The following GALNT13 variants were observed in gnomAD, a reference collection of about 807,000 sequenced individuals.
The protein encoded by GALNT13 is UDP-GalNAc:polypeptide N-acetylgalactosaminyltransferase 13.
In GALNT13, 28 loss-of-function variants were observed where a neutral mutation model predicts 64.2. The ratio of observed to expected loss-of-function variants is 0.44; its 90% CI spans 0.32 to 0.60. GALNT13 has a LOEUF of 0.60. Ranked by LOEUF, GALNT13 falls within the 20% of genes least tolerant of loss-of-function variation. GALNT13 has a pLI of 0.05. For missense variants in GALNT13, 577 were observed against 669.8 expected, an observed-to-expected ratio of 0.86 and a Z score of 1.53; for synonymous variants, 214 against 224.6, an observed-to-expected ratio of 0.95 and a Z score of 0.42.
chr2:153,555,319 C>T, the GALNT13 span, among the ~76,000 whole-genome samples: 1 of 134,252 alleles, frequency 7.4e-6, no homozygotes, highest in Non-Finnish European at 1.6e-5. Flanking sequence ...CTCAGCCTCC[C>T]GAGTAGCTGG....
the GALNT13 span, among the ~76,000 whole-genome samples, chr2:153,533,451 C>T: frequency 6.6e-6 from 1 of 152,036 alleles, no homozygotes; most frequent in African/African-American, 2.4e-5. Flanking sequence ...AGGGTTTTGC[C>T]ATCTTGGCTA....
the GALNT13 span, among the ~76,000 whole-genome samples, chr2:153,490,281 G>A: frequency 6.6e-6 from 1 of 152,128 alleles, no homozygotes; most frequent in Non-Finnish European, 1.5e-5. Flanking sequence ...ATTATTCATA[G>A]ATAAATATAG....
At chr2:153,709,279 A>G in the GALNT13 span, among the ~76,000 whole-genome samples, 6 of 151,146 alleles carry the variant, frequency 4.0e-5, no homozygotes, top group South Asian at 1.2e-3. Flanking sequence ...AGCAAAAAAC[A>G]ACAACAACAA....
chr2:153,745,086 T>C, the GALNT13 span, among the ~76,000 whole-genome samples: 1 of 152,002 alleles, frequency 6.6e-6, no homozygotes, highest in African/African-American at 2.4e-5. Context: ...TGAGGTCCAT[T>C]AGAAAAACAG....
intron 9 of GALNT13, among the ~76,000 whole-genome samples, chr2:154,314,310 T>G (rs1341241983): frequency 6.6e-6 from 1 of 152,170 alleles, no homozygotes; most frequent in Non-Finnish European, 1.5e-5. Context: ...TGACACTTAG[T>G]AGCAGTCATT....
intron 3 of GALNT13, among the ~76,000 whole-genome samples, chr2:154,002,245 TTAAA>T (rs1383488990): frequency 2.0e-5 from 3 of 152,146 alleles, no homozygotes; most frequent in African/African-American, 7.2e-5. Context: ...CATTATTGTC[TTAAA>T]TAATCTTTCT....
chr2:154,191,252 T>A (rs1233295478), intron 4 of GALNT13, among the ~76,000 whole-genome samples: 1 of 152,170 alleles, frequency 6.6e-6, no homozygotes, highest in African/African-American at 2.4e-5. Flanking sequence ...CACACACATT[T>A]GCACGCGCAC....
At chr2:154,230,798 A>C (rs1688875097) in intron 4 of GALNT13, among the ~76,000 whole-genome samples, 1 of 152,090 alleles carries the variant, frequency 6.6e-6, no homozygotes, top group Admixed American at 6.6e-5. Flanking sequence ...AGATTTATTC[A>C]GTTCTCTGGT....
the GALNT13 span, among the ~76,000 whole-genome samples, chr2:153,555,036 GA>G: frequency 2.0e-5 from 3 of 151,778 alleles, no homozygotes; most frequent in Non-Finnish European, 4.4e-5. Flanking sequence ...TTGGATAAAT[GA>G]AAAAAATTTA....
chr2:153,560,379 C>T, the GALNT13 span, among the ~76,000 whole-genome samples: 39 of 151,826 alleles, frequency 2.6e-4, no homozygotes, highest in African/African-American at 7.7e-4. Flanking sequence ...TAACGCTAGA[C>T]GAATAGCGAT....
At chr2:153,314,339 G>C in the GALNT13 span, among the ~76,000 whole-genome samples, 1 of 152,102 alleles carries the variant, frequency 6.6e-6, no homozygotes, top group Non-Finnish European at 1.5e-5. Flanking sequence ...TCTAGAAGAA[G>C]AGACAGATTG....
chr2:153,197,371 C>T, the GALNT13 span, among the ~76,000 whole-genome samples: 1 of 152,212 alleles, frequency 6.6e-6, no homozygotes, highest in African/African-American at 2.4e-5. Context: ...TGTGCATGGA[C>T]ATAGGCTGTG....
chr2:154,231,829 GT>G (rs1457377742), intron 4 of GALNT13, among the ~76,000 whole-genome samples: 1 of 149,970 alleles, frequency 6.7e-6, no homozygotes, highest in Non-Finnish European at 1.5e-5. Context: ...ATTTTGTTTG[GT>G]TTTATTTTTG....
the GALNT13 span, among the ~76,000 whole-genome samples, chr2:153,643,360 TATC>T: frequency 2.3e-4 from 35 of 151,638 alleles, no homozygotes; most frequent in African/African-American, 6.0e-4. Context: ...TCAATAAAAA[TATC>T]ATAAATAACC....
At chr2:153,762,482 A>G in the GALNT13 span, 1 of 155,818 alleles carries the variant, frequency 6.4e-6, no homozygotes. Flanking sequence ...TCGTGGCATC[A>G]GAAATAACTT....
chr2:154,146,681 A>C (rs991799733), intron 4 of GALNT13, among the ~76,000 whole-genome samples: 4 of 152,098 alleles, frequency 2.6e-5, no homozygotes, highest in African/African-American at 9.7e-5. Context: ...CCCCACTCTC[A>C]TACCAGGAGG....
At chr2:153,391,980 A>T in the GALNT13 span, among the ~76,000 whole-genome samples, 2 of 149,048 alleles carry the variant, frequency 1.3e-5, no homozygotes, top group African/African-American at 4.9e-5. Context: ...TTAATAAAAC[A>T]TTAAACATAA....
the GALNT13 span, among the ~76,000 whole-genome samples, chr2:153,360,129 C>G: frequency 6.6e-6 from 1 of 152,202 alleles, no homozygotes; most frequent in African/African-American, 2.4e-5. Flanking sequence ...AGGCAGCTGG[C>G]ATGACCCACA....
Position 153,940,339 on chromosome 2 carries a change from C to A in GALNT13, c.-104-4055C>A, listed in dbSNP as rs528445099. ...ATGGTACAATCTCAGCTCACTGCAA[C>A]CTCCGCCCCCCAGGTTCAAGTGATT... On this transcript the variant is annotated intron_variant, in intron 2 of 12. Coordinates refer to ENST00000392825, the MANE Select transcript of GALNT13 (RefSeq NM_052917.4). Among the ~76,000 whole-genome samples, 3 of 151,086 alleles carry A rather than the reference C, an allele frequency of 2.0e-5. No homozygotes were observed. In the East Asian group the frequency reaches 5.9e-4, roughly 30 times the overall value.
Sources: gnomAD v4.1 joint callset for allele counts (sites outside exome capture counted in the v4.1 genomes callset) on GRCh38, gnomAD v4.1.1 for gene constraint, MANE v1.5 for transcripts, NCBI Gene and HGNC (gene_info 2026-07-23, HGNC 2026-07-21) for gene names.